Variants in KDM2A observed in about 807,000 individuals in gnomAD.
The protein encoded by KDM2A is lysine demethylase 2A, also known as lysine-specific demethylase 2A.
KDM2A carries 3 observed loss-of-function variants against 137.3 expected under a neutral mutation model. The observed-to-expected ratio is 0.02, with a 90% CI of 0.01 to 0.06. The LOEUF (loss-of-function observed/expected upper bound fraction) is 0.06. Ranked by LOEUF, KDM2A falls within the 10% of genes least tolerant of loss-of-function variation. The pLI is 1.00. For synonymous variants in KDM2A, 512 were observed against 541.5 expected, an observed-to-expected ratio of 0.95 and a Z score of 0.76; for missense variants, 738 against 1,510.6, an observed-to-expected ratio of 0.49 and a Z score of 8.48.
intron 6 of KDM2A, among the ~76,000 whole-genome samples, chr11:67,211,531 T>C (rs1350588670): frequency 7.0e-6 from 1 of 142,980 alleles, no homozygotes; most frequent in Non-Finnish European, 1.5e-5. Flanking sequence ...GGAGAATCGC[T>C]TGAAACCAGG....
At chr11:67,184,830 T>TA (rs925142692) in intron 5 of KDM2A, among the ~76,000 whole-genome samples, 15 of 151,800 alleles carry the variant, frequency 9.9e-5, no homozygotes, top group East Asian at 1.9e-4. Flanking sequence ...AGATAGCCTA[T>TA]AAAAAACAAA....
chr11:67,224,755 C>A (rs999878159), intron 10 of KDM2A, among the ~76,000 whole-genome samples: 3 of 149,290 alleles, frequency 2.0e-5, no homozygotes, highest in Admixed American at 6.7e-5. Context: ...CTTGAGCTAT[C>A]TTGTCCGGCC....
chr11:67,206,674 T>C (rs1429596142), intron 5 of KDM2A, among the ~76,000 whole-genome samples: 1 of 151,640 alleles, frequency 6.6e-6, no homozygotes, highest in Non-Finnish European at 1.5e-5. Context: ...AGGTGGGAGG[T>C]TGCAGTGAGC....
chr11:67,226,176 G>A (rs1190905006), intron 10 of KDM2A, among the ~76,000 whole-genome samples: 1 of 151,968 alleles, frequency 6.6e-6, no homozygotes, highest in African/African-American at 2.4e-5. Context: ...AGAATTGCTT[G>A]AACCCAGGAG....
At chr11:67,222,652 G>A (rs1858398160) in intron 10 of KDM2A, among the ~76,000 whole-genome samples, 2 of 129,938 alleles carry the variant, frequency 1.5e-5, no homozygotes, top group African/African-American at 2.9e-5. Flanking sequence ...AGGGGCGGCC[G>A]GGCAGAGGCG....
At chr11:67,170,408 C>CTTTTTTTTT in intron 2 of KDM2A, among the ~76,000 whole-genome samples, 264 of 92,804 alleles carry the variant, frequency 2.8e-3, no homozygotes, top group African/African-American at 4.1e-3. Flanking sequence ...TTCTTTCTTT[C>CTTTTTTTTT]TTTTTTTTTT....
chr11:67,201,175 C>G (rs879768202), intron 5 of KDM2A, among the ~76,000 whole-genome samples: 56 of 147,810 alleles, frequency 3.8e-4, no homozygotes, highest in Non-Finnish European at 6.4e-4. Flanking sequence ...GCCTGGGCGA[C>G]TGAGCAAGAC....
At chr11:67,213,472 T>A (rs1263368156) in intron 6 of KDM2A, among the ~76,000 whole-genome samples, 2 of 152,072 alleles carry the variant, frequency 1.3e-5, no homozygotes, top group African/African-American at 2.4e-5. Flanking sequence ...ATTTAAAAGA[T>A]TCCTGGCCGG....
At position 67,207,470 on chromosome 11, in the gene KDM2A, A is replaced by G. The variant is rs918201099; in HGVS notation, c.308-40A>G. 2.7e-6 allele frequency: 4 copies of G among 1,455,540 alleles called. No homozygotes were observed. In the African/African-American group the frequency reaches 4.2e-5, roughly 15 times the overall value. The allele number at this position is 1,455,540 out of a possible 1,614,324, so 90.2% of individuals were successfully genotyped here. ...TATTCTTACTATATTTAAGGATATT[A>G]GTGGCTCGATAGAGATGATCGATGC... On this transcript the variant is annotated intron_variant, in intron 5 of 20. Transcript: ENST00000529006.
chr11:67,121,987 A>C (rs1855607842), intron 2 of KDM2A, among the ~76,000 whole-genome samples: 1 of 152,210 alleles, frequency 6.6e-6, no homozygotes, highest in Admixed American at 6.6e-5. Flanking sequence ...TCTGTATATG[A>C]ACACTTGGAT....
At chr11:67,240,504 G>C (rs1858999792) in intron 12 of KDM2A, 5 of 745,438 alleles carry the variant, frequency 6.7e-6, no homozygotes, top group Non-Finnish European at 8.5e-6. Context: ...CGTGTTGCTT[G>C]AGCCGTCATT....
intron 5 of KDM2A, among the ~76,000 whole-genome samples, chr11:67,204,852 T>C (rs1857755299): frequency 6.6e-6 from 1 of 152,206 alleles, no homozygotes; most frequent in Non-Finnish European, 1.5e-5. Flanking sequence ...CATTCCTTTT[T>C]ATGGTCGACT....
chr11:67,252,526 A>G, intron 17 of KDM2A, 168 bp from the exon 18 acceptor site: 1 of 716,512 alleles, frequency 1.4e-6, no homozygotes, highest in South Asian at 1.6e-5. Context: ...GTTCAAGGCA[A>G]TTTTTTGCCT....
At chr11:67,121,553 C>T (rs999497074) in intron 2 of KDM2A, among the ~76,000 whole-genome samples, 195 bp downstream of exon 2, 1 of 152,048 alleles carries the variant, frequency 6.6e-6, no homozygotes, top group Non-Finnish European at 1.5e-5. Flanking sequence ...ATATATTTAT[C>T]TTGTTTGGAA....
At chr11:67,138,058 A>C (rs1027819789) in intron 2 of KDM2A, among the ~76,000 whole-genome samples, 2 of 152,102 alleles carry the variant, frequency 1.3e-5, no homozygotes, top group African/African-American at 4.8e-5. Flanking sequence ...AGCCTCCCAA[A>C]GTGCTGGGAT....
chr11:67,216,924 A>G (rs1858180200), intron 8 of KDM2A, among the ~76,000 whole-genome samples: 1 of 151,222 alleles, frequency 6.6e-6, no homozygotes, highest in Non-Finnish European at 1.5e-5. Context: ...CTGTCTCAAA[A>G]AAGAAACAAA....
In KDM2A at chr11:67,256,882, C is replaced by T. The variant is rs1431975842; in HGVS notation, c.*1827C>T. 1 of 152,666 alleles carries T rather than the reference C, an allele frequency of 6.6e-6. No homozygotes were observed. Among genetic ancestry groups the T allele is most frequent in the African/African-American group, 2.4e-5 (1 of 41,442 alleles). 9.5% of individuals were successfully genotyped at this position (152,666 alleles called of 1,614,324 possible). A position where few individuals can be genotyped will look rare whatever the true frequency, so the allele number is the denominator to read the frequency against. ...CAGTCTGCTCCCATGACCCTCTGCC[C>T]ACTTCCATTGGTCTCCAGGCCCCAA... On this transcript the variant is annotated 3_prime_UTR_variant, in exon 21 of 21. Coordinates refer to ENST00000529006, the MANE Select transcript of KDM2A (RefSeq NM_012308.3).
Position 67,235,430 on chromosome 11 carries a change from G to A in KDM2A, c.1479+3470G>A, listed in dbSNP as rs1171035403. 2.7e-5 allele frequency among the ~76,000 whole-genome samples: 4 copies of A among 149,292 alleles called. No individual in the cohort carries two copies. The East Asian group carries it at 6.1e-4, about 23-fold the overall frequency. The stretch of plus-strand genomic sequence containing the variant: ...AGCAATTCTCCTGCCTCAGCCTCCC[G>A]AGTAGCTGGGATTACAGGCATGCAC... On this transcript the variant is annotated intron_variant, in intron 12 of 20. Transcript: ENST00000529006.
chr11:67,223,192 C>CAAA (rs560774486), intron 10 of KDM2A, among the ~76,000 whole-genome samples: 4 of 89,424 alleles, frequency 4.5e-5, no homozygotes, highest in East Asian at 3.2e-4. Flanking sequence ...AACTCCATCT[C>CAAA]AAAAAAAAAA....
Sources: allele counts gnomAD v4.1 joint callset (sites outside exome capture counted in the v4.1 genomes callset), GRCh38; gene constraint gnomAD v4.1.1; transcripts MANE v1.5; gene names NCBI Gene and HGNC (gene_info 2026-07-23, HGNC 2026-07-21).